The following ACCS variants were observed in gnomAD, a reference collection of about 807,000 sequenced individuals.
ACCS encodes the protein 1-aminocyclopropane-1-carboxylate synthase homolog (inactive), also known as 1-aminocyclopropane-1-carboxylate synthase-like protein 1.
ACCS carries 42 observed loss-of-function variants against 59.8 expected under a neutral mutation model. That is an observed-to-expected ratio of 0.70 (90% CI 0.55 to 0.91). The LOEUF is 0.91. Among genes scored for constraint, ACCS ranks in the 40% least tolerant of loss-of-function variants. The probability of loss-of-function intolerance (pLI) is 0.00; values close to 1 mark genes in which losing one functional copy is unlikely to be tolerated. For synonymous variants in ACCS, 230 were observed against 240.3 expected (o/e 0.96, Z 0.40); for missense variants, 602 against 630.4 (o/e 0.95, Z 0.48).
At chr11:44,073,594 A>T in intron 4 of ACCS, 77 bp downstream of exon 4, 1 of 1,447,606 alleles carries the variant, frequency 6.9e-7, no homozygotes. Context: ...GGTTGTTATA[A>T]CTGGGAAGTC....
chr11:44,074,393 G>A (rs905691639), intron 4 of ACCS, among the ~76,000 whole-genome samples: 9 of 152,036 alleles, frequency 5.9e-5, no homozygotes, highest in Non-Finnish European at 7.4e-5. Context: ...AATCCCTGAA[G>A]TCTCCTGATT....
At chr11:44,080,896 A>C in intron 10 of ACCS, 124 bp from the exon 11 acceptor site, 1 of 1,254,738 alleles carries the variant, frequency 8.0e-7, no homozygotes, top group Non-Finnish European at 1.1e-6. Flanking sequence ...CAAAGACATG[A>C]AACCAGGGCT....
chr11:44,081,513 T>C (rs1389057371), intron 12 of ACCS, among the ~76,000 whole-genome samples, 193 bp downstream of exon 12: 1 of 152,260 alleles, frequency 6.6e-6, no homozygotes, highest in Non-Finnish European at 1.5e-5. Context: ...TTCACCTCTT[T>C]ATCTGTATGA....
Position 44,084,036 on chromosome 11 carries a change from G to A in ACCS, c.*244G>A. 1 of 707,828 alleles carries A rather than the reference G, an allele frequency of 1.4e-6. No homozygotes were observed. The highest frequency in any genetic ancestry group is 2.1e-6 in the Non-Finnish European group (1 of 469,668). 43.8% of individuals were successfully genotyped at this position (707,828 alleles called of 1,614,324 possible). ...AGGAGAGTCCATATGTCTCCATTGT[G>A]AGTTATTTAGAATGGAGGAGTCGTG... On this transcript the variant is annotated 3_prime_UTR_variant, in exon 15 of 15. Coordinates refer to ENST00000263776, the MANE Select transcript of ACCS (RefSeq NM_032592.4).
intron 3 of ACCS, 121 bp downstream of exon 3, chr11:44,071,436 C>G (rs1238905392): frequency 1.2e-5 from 14 of 1,135,942 alleles, no homozygotes; most frequent in Admixed American, 6.0e-5. Context: ...ATCAGGAGAC[C>G]CGGGTTCCAG....
chr11:44,077,943 C>T lies in ACCS; in HGVS notation c.732+21C>T, dbSNP rs200253447. On this transcript the variant is annotated intron_variant, in intron 8 of 14. Transcript: ENST00000263776. ...CTGAGGTCTGGGGATCAAATCAAAC[C>T]TGAGGCTGGGTGTGGGTGGGTCTGA... is the stretch of plus-strand genomic sequence containing the variant. 1.0e-4 allele frequency: 166 copies of T among 1,612,020 alleles called. No homozygotes were observed. In the Admixed American group the frequency reaches 1.2e-3, roughly 12 times the overall value.
At position 44,083,992 on chromosome 11, in the gene ACCS, TCTC is replaced by T; in HGVS notation, c.*203_*205del. On this transcript the variant is annotated 3_prime_UTR_variant, in exon 15 of 15. Coordinates refer to ENST00000263776, the MANE Select transcript of ACCS (RefSeq NM_032592.4). The stretch of plus-strand genomic sequence containing the variant: ...TGTGGTTCAGCCTGGGCCCTCCCTC[TCTC>T]CTATTAAACAAAACTAGGAGAGTCC... 8.3e-7 allele frequency: 1 copy of T among 1,206,464 alleles called. No individual in the cohort carries two copies. The highest frequency in any genetic ancestry group is 1.1e-6 in the Non-Finnish European group (1 of 895,986). 74.7% of individuals were successfully genotyped at this position (1,206,464 alleles called of 1,614,324 possible).
chr11:44,079,707 G>A, intron 10 of ACCS, 87 bp downstream of exon 10: 1 of 1,237,126 alleles, frequency 8.1e-7, no homozygotes, highest in Non-Finnish European at 1.2e-6. Context: ...ACAGGGCATG[G>A]CCTGCCCAGA....
chr11:44,067,785 C>T lies in ACCS; in HGVS notation c.158C>T (p.Pro53Leu). The change falls in exon 2 of 15, where the codon CCT becomes CTT. Residue 53 changes from proline to leucine, a missense_variant. By Grantham distance (98) the Pro-to-Leu change is moderately conservative. Transcript: ENST00000263776. Reference sequence around the variant, plus strand: ...CCAGAGCTCCGTGGAGTGGGTGATCCTGCCATGATCTCCTCTGATACCTCC... The same window carrying T: ...CCAGAGCTCCGTGGAGTGGGTGATCTTGCCATGATCTCCTCTGATACCTCC... ...KLPELRGVGD[P>L]AMISSDTSYL... 2 of 1,614,126 alleles carry T rather than the reference C, an allele frequency of 1.2e-6. No homozygotes were observed. The highest frequency in any genetic ancestry group is 1.7e-6 in the Non-Finnish European group (2 of 1,179,998).
At chr11:44,077,239 G>A in intron 6 of ACCS, 40 bp from the exon 7 acceptor site, 1 of 1,601,506 alleles carries the variant, frequency 6.2e-7, no homozygotes, top group South Asian at 1.1e-5. Flanking sequence ...GGGGTGTTCT[G>A]GCCAGAAAGT....
Position 44,068,046 on chromosome 11 carries a change from G to T in ACCS, c.288+131G>T. ...TTATGGTACTCTGACCTCCAAGAGGGCTTCTGATGTAGCTTAGAGAGGCCC... is the reference window on the plus strand; with the variant it reads ...TTATGGTACTCTGACCTCCAAGAGGTCTTCTGATGTAGCTTAGAGAGGCCC... On this transcript the variant is annotated intron_variant, in intron 2 of 14. Coordinates refer to ENST00000263776, the MANE Select transcript of ACCS (RefSeq NM_032592.4). The T allele has an allele frequency of 2.9e-6, 3 of 1,020,714 alleles. No individual in the cohort carries two copies. The South Asian group carries it at 5.3e-5, about 18-fold the overall frequency. 63.2% of individuals were successfully genotyped at this position (1,020,714 alleles called of 1,614,324 possible).
chr11:44,067,446 A>G (rs182508526), intron 1 of ACCS, 182 bp from the exon 2 acceptor site: 2 of 639,224 alleles, frequency 3.1e-6, no homozygotes, highest in African/African-American at 1.8e-5. Context: ...TCCTTAACAG[A>G]TTTTTCTTGT....
intron 3 of ACCS, among the ~76,000 whole-genome samples, chr11:44,073,165 T>C (rs1031850610): frequency 6.6e-6 from 1 of 152,192 alleles, no homozygotes; most frequent in African/African-American, 2.4e-5. Flanking sequence ...CCGATTTTTT[T>C]AGGTGGCAGT....
chr11:44,075,249 G>T (rs79470769), intron 5 of ACCS, among the ~76,000 whole-genome samples: 4,374 of 152,232 alleles, frequency 0.029, 213 homozygotes, highest in African/African-American at 0.096. Context: ...TAAAGTTTGG[G>T]TATAATTTCC....
intron 6 of ACCS, among the ~76,000 whole-genome samples, chr11:44,076,455 A>G (rs1223642671): frequency 3.9e-5 from 6 of 152,214 alleles, no homozygotes; most frequent in African/African-American, 1.2e-4. Context: ...TAACTTGTCA[A>G]AGTCACACAA....
intron 12 of ACCS, among the ~76,000 whole-genome samples, chr11:44,081,838 C>T (rs1447815547): frequency 6.6e-6 from 1 of 152,202 alleles, no homozygotes; most frequent in East Asian, 1.9e-4. Context: ...TTGTCTTTAA[C>T]AACAACAAAA....
rs1374952390 is a variant in ACCS at position 44,081,037 on chromosome 11, G to A, written c.941G>A (p.Arg314Lys). The A allele has an allele frequency of 6.8e-6, 11 of 1,614,190 alleles. No individual in the cohort carries two copies. Among genetic ancestry groups the A allele is most frequent in the Non-Finnish European group, 9.3e-6 (11 of 1,180,038 alleles). The change falls in exon 11 of 15, where the codon AGG (arginine) becomes AAG (lysine). Residue 314 changes from arginine (R) to lysine (K), a missense_variant. Transcript: ENST00000263776. The stretch of plus-strand genomic sequence containing the variant: ...CTCTGCAGGCTCCCTGACCCCCAGA[G>A]GACCCATGTGATGTGGGCAACCAGC... Reference protein sequence around the residue: ...LSLERLPDPQRTHVMWATSKD... With the variant: ...LSLERLPDPQKTHVMWATSKD...
rs1442972753 is a variant in ACCS, at chr11:44,083,302, C to T, written c.1245C>T (p.Asp415=). 1.9e-6 allele frequency: 3 copies of T among 1,614,108 alleles called. No homozygotes were observed. In the East Asian group the frequency reaches 6.7e-5, roughly 36 times the overall value. The stretch of plus-strand genomic sequence containing the variant: ...GGGCTGGCTTCTTCATCTGGGTTGA[C>T]TTGAGAAAGGTAATGCTGGTGGAGG... ...SRGAGFFIWV[D]LRKYLPKGTF... Residue 415 remains aspartate (D), a synonymous_variant, in exon 13 of 15, where the codon GAC becomes GAT. Coordinates refer to ENST00000263776, the MANE Select transcript of ACCS (RefSeq NM_032592.4).
At chr11:44,077,761 G>A (rs1011983733) in intron 7 of ACCS, 84 bp from the exon 8 acceptor site, 19 of 1,538,712 alleles carry the variant, frequency 1.2e-5, no homozygotes, top group Non-Finnish European at 1.7e-5. Context: ...GATTACAGGG[G>A]AGGAGAGGCC....
Sources: gnomAD v4.1 joint callset for allele counts (sites outside exome capture counted in the v4.1 genomes callset) on GRCh38, gnomAD v4.1.1 for gene constraint, MANE v1.5 for transcripts, NCBI Gene and HGNC (gene_info 2026-07-23, HGNC 2026-07-21) for gene names.